The following ADGRB3 variants were observed in gnomAD, a reference collection of about 807,000 sequenced individuals.
ADGRB3 encodes the protein adhesion G protein-coupled receptor B3, also known as brain-specific angiogenesis inhibitor 3.
Under a neutral mutation model 193.4 loss-of-function variants are expected in ADGRB3, and 37 were observed. The observed-to-expected ratio is 0.19, with a 90% CI of 0.15 to 0.25. The LOEUF (loss-of-function observed/expected upper bound fraction) is 0.25, where lower values mean the gene tolerates loss of function less well. ADGRB3 is among the 10% of genes least tolerant of loss of function. ADGRB3 has a pLI of 1.00. For synonymous variants in ADGRB3, 690 were observed against 644.2 expected, an observed-to-expected ratio of 1.07 and a Z score of -1.08; for missense variants, 1,637 against 1,852.9, an observed-to-expected ratio of 0.88 and a Z score of 2.14.
chr6:68,957,829 C>G (rs1389027798), intron 8 of ADGRB3, among the ~76,000 whole-genome samples: 1 of 152,030 alleles, frequency 6.6e-6, no homozygotes, highest in African/African-American at 2.4e-5. Context: ...TCTCACAGTA[C>G]AACACTAAGA....
intron 6 of ADGRB3, among the ~76,000 whole-genome samples, chr6:68,945,401 C>T (rs1241854630): frequency 1.3e-5 from 2 of 152,016 alleles, no homozygotes; most frequent in Non-Finnish European, 2.9e-5. Context: ...AGATCAGTAA[C>T]ATTCTGTCTT....
intron 26 of ADGRB3, among the ~76,000 whole-genome samples, chr6:69,342,348 C>CT (rs1268231148): frequency 4.0e-5 from 6 of 151,850 alleles, no homozygotes; most frequent in Admixed American, 1.3e-4. Context: ...TCACATATTT[C>CT]TTTTTTTTAA....
chr6:69,087,091 C>T (rs553857701), intron 17 of ADGRB3, among the ~76,000 whole-genome samples: 2 of 152,210 alleles, frequency 1.3e-5, no homozygotes, highest in Admixed American at 6.5e-5. Context: ...ATCCTTTACA[C>T]GTTCTAACTT....
intron 15 of ADGRB3, among the ~76,000 whole-genome samples, chr6:69,058,375 AT>A (rs1042832326): frequency 6.7e-6 from 1 of 150,030 alleles, no homozygotes; most frequent in Admixed American, 6.6e-5. Context: ...AATTTTGTAT[AT>A]TTTTTCTCCA....
Position 69,339,010 on chromosome 6 carries a change from G to A in ADGRB3, c.3283G>A (p.Ala1095Thr), listed in dbSNP as rs1311591420. ...TTTGTCAGCCACCACCGCCAGTAAC[G>A]CCATGTTAGTCCCAATCATTTACAT... Reference protein sequence around the residue: ...TALSATTASNAMASLWSSCVV... With the variant: ...TALSATTASNTMASLWSSCVV... Residue 1095 changes from alanine to threonine, a missense_variant, in exon 25 of 32, where the codon GCC becomes ACC. Physicochemically the swap from Ala to Thr is moderately conservative, Grantham distance 58 (BLOSUM62 0). Around this residue, in one of 7 missense-constraint regions of ADGRB3, gnomAD observed 116 missense variants for 168.1 expected, o/e 0.69. Transcript: ENST00000370598. 6 of 1,613,452 alleles carry A rather than the reference G, an allele frequency of 3.7e-6. No individual in the cohort carries two copies. Among genetic ancestry groups the A allele is most frequent in the South Asian group, 1.1e-5 (1 of 91,072 alleles).
chr6:69,000,730 CA>C (rs1215014141), intron 11 of ADGRB3, among the ~76,000 whole-genome samples: 2 of 152,182 alleles, frequency 1.3e-5, no homozygotes, highest in African/African-American at 2.4e-5. Flanking sequence ...TTGGCCAACT[CA>C]AAATTTTTAC....
chr6:68,901,347 G>C (rs998712329), intron 3 of ADGRB3, among the ~76,000 whole-genome samples: 1 of 152,152 alleles, frequency 6.6e-6, no homozygotes, highest in African/African-American at 2.4e-5. Flanking sequence ...GAACATGATA[G>C]CTGGCTTTTT....
chr6:68,748,090 C>T (rs150973397), intron 3 of ADGRB3, among the ~76,000 whole-genome samples: 2 of 152,198 alleles, frequency 1.3e-5, no homozygotes, highest in East Asian at 3.9e-4. Context: ...CCATTGGGTC[C>T]CTCCCACACA....
At chr6:68,934,548 G>C (rs1486266291) in intron 4 of ADGRB3, among the ~76,000 whole-genome samples, 1 of 152,088 alleles carries the variant, frequency 6.6e-6, no homozygotes, top group African/African-American at 2.4e-5. Flanking sequence ...TTCACTTATA[G>C]AATCCACATT....
chr6:68,924,559 G>T (rs78557730), intron 3 of ADGRB3, among the ~76,000 whole-genome samples: 2,061 of 152,000 alleles, frequency 0.014, 38 homozygotes, highest in African/African-American at 0.047. Flanking sequence ...TAACAACATT[G>T]AAAACTCTTG....
At chr6:68,684,315 A>G (rs1661854122) in intron 3 of ADGRB3, among the ~76,000 whole-genome samples, 1 of 152,168 alleles carries the variant, frequency 6.6e-6, no homozygotes, top group African/African-American at 2.4e-5. Flanking sequence ...CTGAGTCTAC[A>G]CAATGCCTTT....
At chr6:69,355,740 A>G (rs1769324165) in intron 27 of ADGRB3, 81 bp from the exon 28 acceptor site, 1 of 1,127,934 alleles carries the variant, frequency 8.9e-7, no homozygotes, top group East Asian at 2.4e-5. Context: ...ATATCTGTAA[A>G]CTTCAGATAA....
At chr6:68,823,568 T>C (rs1767786549) in intron 3 of ADGRB3, among the ~76,000 whole-genome samples, 2 of 152,066 alleles carry the variant, frequency 1.3e-5, no homozygotes, top group South Asian at 2.1e-4. Flanking sequence ...TTTTCTGTCA[T>C]GGATGTTTTT....
intron 17 of ADGRB3, 114 bp from the exon 18 acceptor site, chr6:69,233,176 C>T (rs984314872): frequency 8.0e-6 from 11 of 1,371,542 alleles, no homozygotes; most frequent in African/African-American, 3.0e-5. Flanking sequence ...TTTTTTTTTC[C>T]TGTACAGGAA....
In ADGRB3 at chr6:68,896,221, T is replaced by C. The variant is rs994330895; in HGVS notation, c.758-34338T>C. Among the ~76,000 whole-genome samples, 5 of 152,030 alleles carry C rather than the reference T, an allele frequency of 3.3e-5. No homozygotes were observed. In the East Asian group the frequency reaches 7.7e-4, roughly 23 times the overall value. On this transcript the variant is annotated intron_variant, in intron 3 of 31. Transcript: ENST00000370598. ...AATAATCACGTTAGGTTTTGAAAAATATATGTAAGAGAACTGGAGATTTTA... is the reference window on the plus strand; with the variant it reads ...AATAATCACGTTAGGTTTTGAAAAACATATGTAAGAGAACTGGAGATTTTA...
intron 3 of ADGRB3, among the ~76,000 whole-genome samples, chr6:68,913,522 C>G (rs1013783129): frequency 6.6e-5 from 10 of 152,048 alleles, no homozygotes; most frequent in Non-Finnish European, 1.3e-4. Flanking sequence ...GAAAGGACAT[C>G]CACACCAAAA....
chr6:68,930,750 C>T (rs1445225700), intron 4 of ADGRB3, 81 bp downstream of exon 4: 77 of 1,096,496 alleles, frequency 7.0e-5, no homozygotes, highest in Non-Finnish European at 9.7e-5. Context: ...TTTTGCTGCA[C>T]ATTTGTCAGT....
intron 3 of ADGRB3, among the ~76,000 whole-genome samples, chr6:68,904,587 G>C (rs1359778158): frequency 6.6e-6 from 1 of 152,128 alleles, no homozygotes; most frequent in Non-Finnish European, 1.5e-5. Context: ...CTGATTATCT[G>C]ATACTATTCA....
intron 3 of ADGRB3, among the ~76,000 whole-genome samples, chr6:68,649,924 G>A (rs1768310364): frequency 6.6e-6 from 1 of 152,080 alleles, no homozygotes; most frequent in Admixed American, 6.6e-5. Context: ...TTAAGCCTAT[G>A]GGCAGTAATG....
Sources: gnomAD v4.1 joint callset for allele counts (sites outside exome capture counted in the v4.1 genomes callset) on GRCh38, gnomAD v4.1.1 for gene constraint, gnomAD v4.1.1 regional missense constraint, MANE v1.5 for transcripts, NCBI Gene and HGNC (gene_info 2026-07-23, HGNC 2026-07-21) for gene names.